Variants in ST18 observed in about 807,000 individuals in gnomAD.
ST18 encodes the protein suppression of tumorigenicity 18 protein.
In ST18, 50 loss-of-function variants were observed where a neutral mutation model predicts 110.0. The ratio of observed to expected loss-of-function variants is 0.45; its 90% CI spans 0.36 to 0.58. ST18 has a LOEUF of 0.58. Among genes scored for constraint, ST18 ranks in the 20% least tolerant of loss-of-function variants. The pLI, the probability that ST18 is intolerant of heterozygous loss-of-function variation, is 0.00. For synonymous variants in ST18, 461 were observed against 452.4 expected (o/e 1.02, Z -0.24); for missense variants, 1,306 against 1,280.1 (o/e 1.02, Z -0.31).
intron 8 of ST18, among the ~76,000 whole-genome samples, chr8:52,195,180 A>C (rs1245145207): frequency 1.3e-5 from 2 of 152,178 alleles, no homozygotes; most frequent in African/African-American, 4.8e-5. Flanking sequence ...ATGTACCCGG[A>C]AGAGCAGAAG....
chr8:52,325,929 G>T (rs1806133296), intron 2 of ST18, among the ~76,000 whole-genome samples: 1 of 152,182 alleles, frequency 6.6e-6, no homozygotes, highest in Non-Finnish European at 1.5e-5. Flanking sequence ...TCTCCCAAGT[G>T]TTCCTTTTCA....
intron 2 of ST18, among the ~76,000 whole-genome samples, chr8:52,291,362 G>A (rs1358565676): frequency 6.6e-6 from 1 of 152,258 alleles, no homozygotes; most frequent in Admixed American, 6.5e-5. Flanking sequence ...GTGTGGAGAT[G>A]CTGACTGCTT....
intron 2 of ST18, among the ~76,000 whole-genome samples, chr8:52,288,829 A>T (rs903023411): frequency 6.6e-6 from 1 of 152,186 alleles, no homozygotes; most frequent in African/African-American, 2.4e-5. Context: ...ACTAGAGCAG[A>T]TTCAGAGGAG....
intron 8 of ST18, among the ~76,000 whole-genome samples, chr8:52,186,298 G>C (rs2072181271): frequency 6.6e-6 from 1 of 152,192 alleles, no homozygotes; most frequent in Non-Finnish European, 1.5e-5. Context: ...AAGAACTTTT[G>C]GCTGATACAC....
Position 52,132,192 on chromosome 8 carries a change from C to T in ST18, c.2445-13G>A. On this transcript the variant is annotated splice_polypyrimidine_tract_variant and intron_variant, in intron 21 of 25. Transcript: ENST00000689386. ...TATCACAGGACATCTAGAGAGAAAG[C>T]AGAGACATTACCAGCCAGGAAGAAG... The T allele has an allele frequency of 6.2e-7, 1 of 1,601,468 alleles. No individual in the cohort carries two copies. Among genetic ancestry groups the T allele is most frequent in the South Asian group, 1.1e-5 (1 of 90,202 alleles).
intron 2 of ST18, among the ~76,000 whole-genome samples, chr8:52,299,167 C>T (rs748374128): frequency 1.8e-4 from 27 of 152,212 alleles, no homozygotes; most frequent in Non-Finnish European, 2.2e-4. Context: ...ATCATACACA[C>T]GCACACACAC....
intron 9 of ST18, among the ~76,000 whole-genome samples, chr8:52,174,653 C>T (rs1256203809): frequency 9.2e-5 from 14 of 152,130 alleles, no homozygotes; most frequent in Admixed American, 1.3e-4. Context: ...GCCAACTGCT[C>T]GCATTTTGGG....
At chr8:52,165,075 G>T in intron 12 of ST18, 60 bp downstream of exon 12, 2 of 1,520,384 alleles carry the variant, frequency 1.3e-6, no homozygotes. Flanking sequence ...TTATTTTATT[G>T]GTGGAACGTT....
chr8:52,180,292 A>G lies in ST18; in HGVS notation c.107T>C (p.Met36Thr), dbSNP rs199766596. 24 of 1,614,076 alleles carry G rather than the reference A, an allele frequency of 1.5e-5. No individual in the cohort carries two copies. The highest frequency in any genetic ancestry group is 1.3e-5 in the African/African-American group (1 of 74,934). ...QELSVAYDCS[M>T]AKKRTAEDQA... ...ATCTTCAGCTGTTCTCTTCTTTGCC[A>G]TGGAGCAATCATAGGCAACACTGTA... The change falls in exon 9 of 26, where the codon ATG becomes ACG. Residue 36 changes from methionine to threonine, a missense_variant. By Grantham distance (81) the Met-to-Thr change is moderately conservative. Transcript: ENST00000689386.
At chr8:52,295,879 A>G (rs2095627947) in intron 2 of ST18, among the ~76,000 whole-genome samples, 2 of 151,924 alleles carry the variant, frequency 1.3e-5, no homozygotes, top group Non-Finnish European at 2.9e-5. Context: ...GCCTCCCAGT[A>G]TGTTCTGCGT....
chr8:52,141,531 G>T (rs2055051577), intron 17 of ST18, among the ~76,000 whole-genome samples: 1 of 152,176 alleles, frequency 6.6e-6, no homozygotes, highest in Non-Finnish European at 1.5e-5. Flanking sequence ...CTTTGTTCTT[G>T]GTAAAGGAGG....
chr8:52,356,110 T>G (rs766542455), intron 2 of ST18, among the ~76,000 whole-genome samples: 2 of 151,788 alleles, frequency 1.3e-5, no homozygotes, highest in African/African-American at 2.4e-5. Flanking sequence ...AAGCTTAGAG[T>G]TGGATGTATG....
intron 2 of ST18, among the ~76,000 whole-genome samples, chr8:52,337,578 G>A (rs1812724220): frequency 6.6e-6 from 1 of 152,210 alleles, no homozygotes; most frequent in Non-Finnish European, 1.5e-5. Flanking sequence ...TCTCTCCCAT[G>A]TGTGTCAGGG....
intron 2 of ST18, among the ~76,000 whole-genome samples, chr8:52,310,118 C>T (rs776176523): frequency 5.3e-5 from 8 of 152,184 alleles, no homozygotes; most frequent in Non-Finnish European, 1.0e-4. Context: ...GTACCCATGG[C>T]ACTGCAATGC....
At chr8:52,201,500 C>T (rs557193787) in intron 8 of ST18, 1 of 152,274 alleles carries the variant, frequency 6.6e-6, no homozygotes, top group Non-Finnish European at 1.5e-5. Context: ...TGGCAGGAGT[C>T]CCTAGAAGAA....
At chr8:52,336,707 G>C (rs1226208460) in intron 2 of ST18, among the ~76,000 whole-genome samples, 1 of 152,160 alleles carries the variant, frequency 6.6e-6, no homozygotes, top group Non-Finnish European at 1.5e-5. Context: ...TTCCTAGCTT[G>C]TCAGTGATAC....
At chr8:52,280,924 A>T (rs925032829) in intron 2 of ST18, among the ~76,000 whole-genome samples, 2 of 152,108 alleles carry the variant, frequency 1.3e-5, no homozygotes. Flanking sequence ...TACATAGAAC[A>T]TTGTAAAAAT....
intron 2 of ST18, among the ~76,000 whole-genome samples, chr8:52,241,824 G>A (rs1224528278): frequency 6.6e-6 from 1 of 151,754 alleles, no homozygotes; most frequent in African/African-American, 2.4e-5. Flanking sequence ...TTGTGAACAT[G>A]ATGTGGCATC....
intron 2 of ST18, among the ~76,000 whole-genome samples, chr8:52,288,009 A>T (rs1449685692): frequency 6.6e-6 from 1 of 152,216 alleles, no homozygotes; most frequent in East Asian, 1.9e-4. Context: ...CCATAAACTG[A>T]GCATGTTATG....
Sources: gnomAD v4.1 joint callset for allele counts (sites outside exome capture counted in the v4.1 genomes callset) on GRCh38, gnomAD v4.1.1 for gene constraint, MANE v1.5 for transcripts, NCBI Gene and HGNC (gene_info 2026-07-23, HGNC 2026-07-21) for gene names.